Variants in CACNA2D3 observed in about 807,000 individuals in gnomAD.
CACNA2D3 encodes the protein voltage-dependent calcium channel subunit alpha-2/delta-3.
Under a neutral mutation model 160.6 loss-of-function variants are expected in CACNA2D3, and 60 were observed. The observed-to-expected ratio is 0.37, with a 90% CI of 0.30 to 0.46. The LOEUF is 0.46. Among genes scored for constraint, CACNA2D3 ranks in the 20% least tolerant of loss-of-function variants. The probability of loss-of-function intolerance (pLI) is 1.00; values close to 1 mark genes in which losing one functional copy is unlikely to be tolerated. For missense variants in CACNA2D3, 1,205 were observed against 1,365.0 expected (o/e 0.88, Z 1.85); for synonymous variants, 558 against 492.9 (o/e 1.13, Z -1.75).
chr3:54,969,995 C>T (rs1391358162), intron 29 of CACNA2D3, among the ~76,000 whole-genome samples, 151 bp downstream of exon 29: 1 of 151,794 alleles, frequency 6.6e-6, no homozygotes, highest in Non-Finnish European at 1.5e-5. Context: ...GCTTTATTTG[C>T]TTTGTTTCTT....
chr3:54,227,084 G>C (rs143488158), intron 2 of CACNA2D3, among the ~76,000 whole-genome samples: 1 of 152,330 alleles, frequency 6.6e-6, no homozygotes, highest in Non-Finnish European at 1.5e-5. Flanking sequence ...GACCGGCAGG[G>C]TCATTGTGAA....
intron 5 of CACNA2D3, among the ~76,000 whole-genome samples, chr3:54,550,723 C>T (rs1702142527): frequency 6.6e-6 from 1 of 152,190 alleles, no homozygotes; most frequent in African/African-American, 2.4e-5. Context: ...TGCCCCTCCC[C>T]TTGGCTCATT....
chr3:54,890,851 A>G (rs879799648), intron 24 of CACNA2D3, among the ~76,000 whole-genome samples: 10 of 152,148 alleles, frequency 6.6e-5, no homozygotes, highest in Non-Finnish European at 1.3e-4. Flanking sequence ...ACCAATTCCA[A>G]CTACGTGGAA....
intron 34 of CACNA2D3, among the ~76,000 whole-genome samples, chr3:55,014,961 C>G (rs530320445): frequency 5.9e-5 from 9 of 152,172 alleles, no homozygotes; most frequent in Non-Finnish European, 1.0e-4. Flanking sequence ...AGCCAATAGT[C>G]GTGCTGCAAA....
At chr3:54,967,515 G>T (rs1437385656) in intron 27 of CACNA2D3, among the ~76,000 whole-genome samples, 1 of 152,150 alleles carries the variant, frequency 6.6e-6, no homozygotes, top group Non-Finnish European at 1.5e-5. Flanking sequence ...TGCAAATATG[G>T]TAAAAATGGG....
intron 17 of CACNA2D3, among the ~76,000 whole-genome samples, chr3:54,859,582 C>T (rs1037612372): frequency 3.9e-5 from 6 of 152,178 alleles, no homozygotes; most frequent in African/African-American, 1.4e-4. Context: ...CAGTGGCCCC[C>T]TCCCTCCATT....
rs188028834 is a variant in CACNA2D3, at chr3:54,441,795, C to T, written c.381+55021C>T. Among the ~76,000 whole-genome samples the T allele has an allele frequency of 5.5e-3, 842 of 152,150 alleles. 3 individuals are homozygous for T. Among genetic ancestry groups the T allele is most frequent in the Middle Eastern group, 0.027 (8 of 294 alleles). ...GGTATCATTCATTGAAAAGATTATC[C>T]GTTACCCAACAGGGGCCCATGGGCT... On this transcript the variant is annotated intron_variant, in intron 4 of 37. Coordinates refer to ENST00000474759, the MANE Select transcript of CACNA2D3 (RefSeq NM_018398.3).
chr3:54,280,871 G>A (rs987074511), intron 2 of CACNA2D3, among the ~76,000 whole-genome samples: 1 of 152,124 alleles, frequency 6.6e-6, no homozygotes, highest in Non-Finnish European at 1.5e-5. Context: ...CTCAAGTCTA[G>A]GATGGAGCCC....
intron 14 of CACNA2D3, among the ~76,000 whole-genome samples, chr3:54,817,806 T>C (rs567619700): frequency 1.3e-5 from 2 of 152,336 alleles, no homozygotes; most frequent in South Asian, 4.1e-4. Context: ...TACTCAGATA[T>C]ATTTGAGGTA....
chr3:54,502,637 GAC>G (rs1701312247), intron 4 of CACNA2D3, among the ~76,000 whole-genome samples: 1 of 152,124 alleles, frequency 6.6e-6, no homozygotes, highest in Non-Finnish European at 1.5e-5. Flanking sequence ...TAGATTTAAG[GAC>G]AGACTCAAGA....
intron 4 of CACNA2D3, among the ~76,000 whole-genome samples, chr3:54,431,644 G>T (rs888390060): frequency 1.3e-5 from 2 of 151,996 alleles, no homozygotes; most frequent in African/African-American, 4.8e-5. Flanking sequence ...AGACAGTCTC[G>T]CTGTGTTGCC....
intron 1 of CACNA2D3, 29 bp from the exon 2 acceptor site, chr3:54,123,484 A>G (rs753423309): frequency 3.8e-6 from 6 of 1,561,670 alleles, no homozygotes; most frequent in South Asian, 1.1e-5. Context: ...CGGGTGTTAC[A>G]TATCTTCCTG....
intron 13 of CACNA2D3, among the ~76,000 whole-genome samples, chr3:54,778,959 A>G (rs1315923665): frequency 2.0e-5 from 3 of 152,344 alleles, no homozygotes; most frequent in Non-Finnish European, 4.4e-5. Flanking sequence ...ACATTCATCA[A>G]AAAGATCTGA....
rs551201093 is a variant in CACNA2D3, at chr3:55,026,382, G to C, written c.2987+8065G>C. 7.9e-5 allele frequency among the ~76,000 whole-genome samples: 12 copies of C among 152,310 alleles called. No homozygotes were observed. In the South Asian group the frequency reaches 2.1e-3, roughly 26 times the overall value. On this transcript the variant is annotated intron_variant, in intron 35 of 37. Transcript: ENST00000474759. ...ATCATCTGCTTGCATCCCAGACACT[G>C]GGCTGCACTTTGAGGAGACAGTGGT...
At chr3:54,976,236 T>C (rs1702388766) in intron 29 of CACNA2D3, among the ~76,000 whole-genome samples, 1 of 148,692 alleles carries the variant, frequency 6.7e-6, no homozygotes, top group Non-Finnish European at 1.5e-5. Context: ...TGGAGTCCCA[T>C]AGCAATGGAC....
rs1559563805 is a variant in CACNA2D3, at chr3:54,736,120, C to CATATATATGTATGTGTATATATATACAT, written c.1168-16471_1168-16470insGTATGTGTATATATATACATATATATAT. Among the ~76,000 whole-genome samples the CATATATATGTATGTGTATATATATACAT allele has an allele frequency of 9.1e-4, 42 of 45,978 alleles. 1 individual carries two copies. The highest frequency in any genetic ancestry group is 3.9e-3 in the African/African-American group (41 of 10,588). 30.2% of individuals were successfully genotyped at this position (45,978 alleles called of 152,430 possible). ...ATATACATATATATGTATATATATA[C>CATATATATGTATGTGTATATATATACAT]ATATATATATGTATATATATACACA... On this transcript the variant is annotated intron_variant, in intron 11 of 37. Transcript: ENST00000474759.
At position 54,185,889 on chromosome 3, in the gene CACNA2D3, C is replaced by T. The variant is rs545742589; in HGVS notation, c.204+62295C>T. Among the ~76,000 whole-genome samples, 7 of 152,324 alleles carry T rather than the reference C, an allele frequency of 4.6e-5. No individual in the cohort carries two copies. The South Asian group carries it at 1.5e-3, about 32-fold the overall frequency. On this transcript the variant is annotated intron_variant, in intron 2 of 37. Coordinates refer to ENST00000474759, the MANE Select transcript of CACNA2D3 (RefSeq NM_018398.3). ...CTCTGGAGGTAATGCATACCTCCTC[C>T]TTTGATTCAATAACCCCTACTCAGC... is the stretch of plus-strand genomic sequence containing the variant.
chr3:54,552,234 T>C (rs1702170303), intron 5 of CACNA2D3, among the ~76,000 whole-genome samples: 1 of 152,182 alleles, frequency 6.6e-6, no homozygotes, highest in African/African-American at 2.4e-5. Flanking sequence ...AGTACTACTC[T>C]ATCTTCATCC....
intron 2 of CACNA2D3, among the ~76,000 whole-genome samples, chr3:54,315,613 C>T (rs1703841837): frequency 6.6e-6 from 1 of 152,158 alleles, no homozygotes; most frequent in African/African-American, 2.4e-5. Flanking sequence ...GTTTGAAACC[C>T]TCCAACGAAT....
Sources: gnomAD v4.1 joint callset for allele counts (sites outside exome capture counted in the v4.1 genomes callset) on GRCh38, gnomAD v4.1.1 for gene constraint, MANE v1.5 for transcripts, NCBI Gene and HGNC (gene_info 2026-07-23, HGNC 2026-07-21) for gene names.